The following SERINC5 variants were observed in gnomAD, a reference collection of about 807,000 sequenced individuals.
The protein encoded by SERINC5 is serine incorporator 5, also known as chromosome 5 open reading frame 12.
In SERINC5, 41 loss-of-function variants were observed where a neutral mutation model predicts 63.1. The observed-to-expected ratio is 0.65, with a 90% CI of 0.51 to 0.84. SERINC5 has a LOEUF of 0.84. Ranked by LOEUF, SERINC5 falls within the 40% of genes least tolerant of loss-of-function variation. SERINC5 has a pLI of 0.00. For synonymous variants in SERINC5, 222 were observed against 215.2 expected (o/e 1.03, Z -0.28); for missense variants, 523 against 573.0 (o/e 0.91, Z 0.89).
chr5:80,233,320 A>T (rs1430872151), intron 1 of SERINC5, among the ~76,000 whole-genome samples: 1 of 131,082 alleles, frequency 7.6e-6, no homozygotes, highest in Non-Finnish European at 1.7e-5. Context: ...CCAGCTACTC[A>T]GGAGGCTGAG....
intron 1 of SERINC5, among the ~76,000 whole-genome samples, chr5:80,253,043 T>C (rs1035319968): frequency 3.3e-5 from 5 of 152,200 alleles, no homozygotes; most frequent in African/African-American, 4.8e-5. Context: ...CCTCACCAAA[T>C]GTCCTCTTCC....
Position 80,141,640 on chromosome 5 carries a change from A to G in SERINC5, c.*2023T>C. On this transcript the variant is annotated 3_prime_UTR_variant, in exon 12 of 12. Coordinates refer to ENST00000507668, the MANE Select transcript of SERINC5 (RefSeq NM_001174072.3). Reference sequence around the variant, plus strand: ...ACCCCCAAGGCCCTAGGCCACTGCAACACAGCTACTGTGTGTGACACGCAG... The same window carrying G: ...ACCCCCAAGGCCCTAGGCCACTGCAGCACAGCTACTGTGTGTGACACGCAG... 1.0e-6 allele frequency: 1 copy of G among 985,578 alleles called. No individual in the cohort carries two copies. Among genetic ancestry groups the G allele is most frequent in the Non-Finnish European group, 1.2e-6 (1 of 830,024 alleles). 61.1% of individuals were successfully genotyped at this position (985,578 alleles called of 1,614,324 possible). A position where few individuals can be genotyped will look rare whatever the true frequency, so the allele number is the denominator to read the frequency against.
chr5:80,160,555 G>A (rs1031594854), intron 7 of SERINC5, among the ~76,000 whole-genome samples: 6 of 152,264 alleles, frequency 3.9e-5, no homozygotes, highest in African/African-American at 1.4e-4. Flanking sequence ...TGTGGTTTAA[G>A]GAATCTTTTA....
At chr5:80,183,053 C>T (rs992673163) in intron 2 of SERINC5, among the ~76,000 whole-genome samples, 1 of 152,076 alleles carries the variant, frequency 6.6e-6, no homozygotes, top group Non-Finnish European at 1.5e-5. Context: ...ACTACTGAAG[C>T]TAGAACACCT....
At chr5:80,156,355 C>T (rs994965426) in intron 8 of SERINC5, among the ~76,000 whole-genome samples, 11 of 152,184 alleles carry the variant, frequency 7.2e-5, no homozygotes, top group African/African-American at 2.7e-4. Flanking sequence ...ACTCCCACCC[C>T]TACAGCATTC....
chr5:80,224,133 C>A (rs868120586), intron 1 of SERINC5, among the ~76,000 whole-genome samples: 97 of 102,070 alleles, frequency 9.5e-4, no homozygotes, highest in East Asian at 1.5e-3. Flanking sequence ...AACTCCGTCT[C>A]AAAAAAAAAA....
intron 12 of SERINC5, among the ~76,000 whole-genome samples, chr5:80,113,356 C>T (rs1444257094): frequency 2.0e-5 from 3 of 152,086 alleles, no homozygotes; most frequent in African/African-American, 7.2e-5. Context: ...TTCTAGTCTG[C>T]ATTCTGCTTG....
At position 80,166,386 on chromosome 5, in the gene SERINC5, C is replaced by A. The variant is rs993792824; in HGVS notation, c.856G>T (p.Val286Leu). Residue 286 changes from valine to leucine, a missense_variant, in exon 7 of 12, where the codon GTA (valine) becomes TTA (leucine). Transcript: ENST00000507668. ...FSALSSKPAEVVLDEHGKNVT... is the reference protein window; with the variant it reads ...FSALSSKPAELVLDEHGKNVT... The stretch of plus-strand genomic sequence containing the variant: ...GCCCACTAACAGGCTGGCTTACCTA[C>A]TTCTGCAGGTTTGCTGGACAGAGCT... 2 of 1,579,198 alleles carry A rather than the reference C, an allele frequency of 1.3e-6. No homozygotes were observed. The highest frequency in any genetic ancestry group is 1.8e-5 in the Admixed American group (1 of 54,928).
At chr5:80,180,275 T>C (rs1487598624) in intron 2 of SERINC5, among the ~76,000 whole-genome samples, 1 of 152,172 alleles carries the variant, frequency 6.6e-6, no homozygotes, top group African/African-American at 2.4e-5. Context: ...CTTATCAACA[T>C]CAAAGTTGAA....
At chr5:80,206,051 G>A (rs1042003773) in intron 1 of SERINC5, among the ~76,000 whole-genome samples, 1 of 150,382 alleles carries the variant, frequency 6.6e-6, no homozygotes, top group African/African-American at 2.4e-5. Context: ...ATGGTGTCTT[G>A]GATAACCTAA....
intron 8 of SERINC5, among the ~76,000 whole-genome samples, chr5:80,153,501 T>A (rs530580693): frequency 4.9e-4 from 74 of 152,160 alleles, no homozygotes; most frequent in African/African-American, 1.5e-3. Context: ...TCTTAAAGCC[T>A]AGGAAATTCT....
rs896628717 is a variant in SERINC5, at chr5:80,251,336, A to G, written c.27+4560T>C. 7.5e-5 allele frequency among the ~76,000 whole-genome samples: 11 copies of G among 146,850 alleles called. No homozygotes were observed. In the East Asian group the frequency reaches 8.0e-4, roughly 11 times the overall value. On this transcript the variant is annotated intron_variant, in intron 1 of 11. Coordinates refer to ENST00000507668, the MANE Select transcript of SERINC5 (RefSeq NM_001174072.3). ...CATACATACATACATACATACATAC[A>G]TGGGTTTTCATTGAGGAAAATCTTG...
At chr5:80,131,664 G>A (rs2118733) in intron 11 of SERINC5, among the ~76,000 whole-genome samples, 110,101 of 152,070 alleles carry the variant, frequency 0.72, 40,511 homozygotes, top group African/African-American at 0.82. Context: ...GACCACTGTA[G>A]AGTCTTTGGC....
At chr5:80,229,552 G>A (rs1026207594) in intron 1 of SERINC5, among the ~76,000 whole-genome samples, 50 of 152,128 alleles carry the variant, frequency 3.3e-4, no homozygotes, top group African/African-American at 1.2e-3. Flanking sequence ...ACAAAAAATT[G>A]CTCCTTAATG....
In SERINC5 at chr5:80,178,034, T is replaced by A; in HGVS notation, c.226A>T (p.Ile76Phe). The A allele has an allele frequency of 6.2e-7, 1 of 1,610,984 alleles. No homozygotes were observed. The highest frequency in any genetic ancestry group is 1.1e-5 in the South Asian group (1 of 90,278). Residue 76 changes from isoleucine (I) to phenylalanine (F), a missense_variant, in exon 3 of 12, where the codon ATT becomes TTT. Physicochemically the swap from Ile to Phe is conservative, Grantham distance 21. Coordinates refer to ENST00000507668, the MANE Select transcript of SERINC5 (RefSeq NM_001174072.3). The part of the protein sequence containing the change: ...IPFFEDMCKG[I>F]KAGDTCEKLV... ...TTCTCACAGGTGTCACCAGCTTTAATGCCTTTACACATATCTTCAAAAAAA... is the reference window on the plus strand; with the variant it reads ...TTCTCACAGGTGTCACCAGCTTTAAAGCCTTTACACATATCTTCAAAAAAA...
At chr5:80,174,809 GGA>G in intron 5 of SERINC5, 143 bp downstream of exon 5, 1 of 561,318 alleles carries the variant, frequency 1.8e-6, no homozygotes, top group Non-Finnish European at 3.2e-6. Flanking sequence ...AGTGAATGAA[GGA>G]GAGGAGTAAA....
At chr5:80,205,913 TACAAAACAAA>T (rs200755222) in intron 1 of SERINC5, among the ~76,000 whole-genome samples, 2,901 of 119,034 alleles carry the variant, frequency 0.024, 104 homozygotes, top group African/African-American at 0.089. Flanking sequence ...CTCTACTAAA[TACAAAACAAA>T]ACAAAACAAA....
At chr5:80,174,878 T>C (rs1747927031) in intron 5 of SERINC5, 76 bp downstream of exon 5, 3 of 943,340 alleles carry the variant, frequency 3.2e-6, no homozygotes, top group Non-Finnish European at 4.8e-6. Context: ...TCCCTAGCAA[T>C]GCAGTTGAGT....
chr5:80,186,485 G>A (rs1320800466), intron 2 of SERINC5, among the ~76,000 whole-genome samples: 4 of 152,016 alleles, frequency 2.6e-5, no homozygotes, highest in Non-Finnish European at 5.9e-5. Flanking sequence ...TAGAACTGAG[G>A]TCCAAAAAAT....
Sources: allele counts gnomAD v4.1 joint callset (sites outside exome capture counted in the v4.1 genomes callset), GRCh38; gene constraint gnomAD v4.1.1; transcripts MANE v1.5; gene names NCBI Gene and HGNC (gene_info 2026-07-23, HGNC 2026-07-21).